Variants in SOX6 observed in about 807,000 individuals in gnomAD.
The protein encoded by SOX6 is transcription factor SOX-6.
A neutral mutation model predicts 97.8 loss-of-function variants in SOX6; 11 were observed. The ratio of observed to expected loss-of-function variants is 0.11; its 90% CI spans 0.07 to 0.19. The LOEUF (loss-of-function observed/expected upper bound fraction) is 0.19. Among genes scored for constraint, SOX6 ranks in the 10% least tolerant of loss-of-function variants. The pLI, the probability that SOX6 is intolerant of heterozygous loss-of-function variation, is 1.00. For missense variants in SOX6, 810 were observed against 1,039.5 expected, an observed-to-expected ratio of 0.78 and a Z score of 3.04; for synonymous variants, 360 against 371.4, an observed-to-expected ratio of 0.97 and a Z score of 0.35.
chr11:16,005,151 A>G (rs1351609728), intron 13 of SOX6, among the ~76,000 whole-genome samples: 2 of 152,074 alleles, frequency 1.3e-5, no homozygotes, highest in Non-Finnish European at 2.9e-5. Flanking sequence ...GATGTTTGCT[A>G]TATTTTACAT....
At chr11:16,407,048 T>C (rs1333493196) in intron 1 of SOX6, among the ~76,000 whole-genome samples, 1 of 152,140 alleles carries the variant, frequency 6.6e-6, no homozygotes, top group Non-Finnish European at 1.5e-5. Context: ...AGTTATACCT[T>C]AATAAGGTTT....
At chr11:16,111,266 C>A (rs1849222010) in intron 7 of SOX6, among the ~76,000 whole-genome samples, 1 of 152,184 alleles carries the variant, frequency 6.6e-6, no homozygotes, top group Non-Finnish European at 1.5e-5. Context: ...TGCAAGGTTA[C>A]ATGACCTGTT....
chr11:16,418,746 C>G (rs1858972305), intron 1 of SOX6, among the ~76,000 whole-genome samples: 1 of 152,120 alleles, frequency 6.6e-6, no homozygotes, highest in African/African-American at 2.4e-5. Flanking sequence ...AGGCTTCAAA[C>G]AGTTAAGCAT....
At chr11:16,405,764 G>C (rs1447905596) in intron 1 of SOX6, among the ~76,000 whole-genome samples, 1 of 152,018 alleles carries the variant, frequency 6.6e-6, no homozygotes, top group African/African-American at 2.4e-5. Context: ...TGAGCTTGCA[G>C]AGTATAAATG....
intron 4 of SOX6, among the ~76,000 whole-genome samples, chr11:16,526,121 A>G (rs570032701): frequency 6.6e-6 from 1 of 152,320 alleles, no homozygotes; most frequent in South Asian, 2.1e-4. Context: ...TGACCCAGCC[A>G]TCCCATTCCT....
At chr11:16,272,714 G>T (rs1215000554) in intron 3 of SOX6, among the ~76,000 whole-genome samples, 1 of 151,698 alleles carries the variant, frequency 6.6e-6, no homozygotes, top group Non-Finnish European at 1.5e-5. Context: ...TTTAATGAAT[G>T]AAATAAATGA....
At chr11:16,387,225 A>C (rs942509539) in intron 1 of SOX6, among the ~76,000 whole-genome samples, 1 of 152,190 alleles carries the variant, frequency 6.6e-6, no homozygotes, top group Non-Finnish European at 1.5e-5. Flanking sequence ...ACCTAAGCAA[A>C]AGAATACTTT....
chr11:16,466,016 T>G (rs114240623), intron 1 of SOX6, among the ~76,000 whole-genome samples: 3,763 of 152,266 alleles, frequency 0.025, 148 homozygotes, highest in African/African-American at 0.086. Flanking sequence ...TGAACAAACT[T>G]TTTTGAATAA....
At chr11:16,540,120 C>G (rs1440234994) in intron 4 of SOX6, among the ~76,000 whole-genome samples, 1 of 152,154 alleles carries the variant, frequency 6.6e-6, no homozygotes, top group African/African-American at 2.4e-5. Flanking sequence ...AGCTTATCCA[C>G]CACGATCAGG....
intron 1 of SOX6, among the ~76,000 whole-genome samples, chr11:16,452,026 A>G (rs1380973577): frequency 6.6e-6 from 1 of 152,066 alleles, no homozygotes; most frequent in Non-Finnish European, 1.5e-5. Context: ...TAAAATTTTA[A>G]AAAGCACGTT....
intron 12 of SOX6, among the ~76,000 whole-genome samples, chr11:16,021,168 G>A (rs969617330): frequency 6.6e-6 from 1 of 152,050 alleles, no homozygotes; most frequent in African/African-American, 2.4e-5. Flanking sequence ...GCAAAACTCT[G>A]GCAAAAGAAG....
intron 2 of SOX6, among the ~76,000 whole-genome samples, chr11:16,325,098 T>A (rs1344502098): frequency 1.3e-5 from 2 of 152,114 alleles, no homozygotes; most frequent in African/African-American, 4.8e-5. Flanking sequence ...AACAGATAAT[T>A]TTATTTCCTT....
At chr11:16,302,234 C>T (rs1442111174) in intron 3 of SOX6, among the ~76,000 whole-genome samples, 1 of 152,174 alleles carries the variant, frequency 6.6e-6, no homozygotes, top group Non-Finnish European at 1.5e-5. Context: ...TCAATTATGT[C>T]GATCATCCTC....
At chr11:15,974,556 A>C in intron 15 of SOX6, among the ~76,000 whole-genome samples, 1 of 86,282 alleles carries the variant, frequency 1.2e-5, no homozygotes, top group Admixed American at 1.4e-4. Context: ...CGACCCGACC[A>C]CAGTCCCCAG....
intron 3 of SOX6, chr11:16,714,684 T>C (rs754066235): frequency 2.0e-5 from 3 of 152,218 alleles, no homozygotes; most frequent in Non-Finnish European, 4.4e-5. Context: ...TCTCTTGACC[T>C]TGTGATCCGC....
chr11:15,978,961 A>G (rs1454780248), intron 15 of SOX6, among the ~76,000 whole-genome samples: 1 of 131,310 alleles, frequency 7.6e-6, no homozygotes, highest in Non-Finnish European at 1.7e-5. Flanking sequence ...TATAATGCTT[A>G]TTTTATATAT....
At chr11:16,578,779 G>A (rs896699228) in intron 4 of SOX6, among the ~76,000 whole-genome samples, 2 of 152,112 alleles carry the variant, frequency 1.3e-5, no homozygotes, top group East Asian at 1.9e-4. Context: ...TCAAGATTGT[G>A]TCCTGAATAA....
At chr11:16,255,923 A>T (rs1853666945) in intron 3 of SOX6, among the ~76,000 whole-genome samples, 1 of 151,968 alleles carries the variant, frequency 6.6e-6, no homozygotes. Flanking sequence ...GGACAATTAG[A>T]AATCTTTTTA....
intron 3 of SOX6, among the ~76,000 whole-genome samples, chr11:16,688,076 G>A (rs868576251): frequency 1.3e-5 from 2 of 151,892 alleles, no homozygotes; most frequent in Non-Finnish European, 2.9e-5. Flanking sequence ...AAACTCAAAC[G>A]ATGCTCCCAT....
Sources: allele counts gnomAD v4.1 joint callset (sites outside exome capture counted in the v4.1 genomes callset), GRCh38; gene constraint gnomAD v4.1.1; transcripts MANE v1.5; gene names NCBI Gene and HGNC (gene_info 2026-07-23, HGNC 2026-07-21).